The following PMPCB variants were observed in gnomAD, a reference collection of about 807,000 sequenced individuals.
The protein encoded by PMPCB is mitochondrial-processing peptidase subunit beta.
In PMPCB, 46 loss-of-function variants were observed where a neutral mutation model predicts 61.5. That is an observed-to-expected ratio of 0.75 (90% CI 0.59 to 0.96). The LOEUF (loss-of-function observed/expected upper bound fraction) is 0.96. PMPCB is among the 40% of genes least tolerant of loss of function. The probability of loss-of-function intolerance (pLI) is 0.00; values close to 1 mark genes in which losing one functional copy is unlikely to be tolerated. For missense variants in PMPCB, 590 were observed against 602.4 expected, an observed-to-expected ratio of 0.98 and a Z score of 0.22; for synonymous variants, 191 against 201.6, an observed-to-expected ratio of 0.95 and a Z score of 0.44.
chr7:103,345,168 C>A, the PMPCB span: 1 of 166,494 alleles, frequency 6.0e-6, no homozygotes, highest in Non-Finnish European at 1.3e-5. Context: ...TTGTGTTTAA[C>A]TTGATGATGA....
At position 103,311,893 on chromosome 7, in the gene PMPCB, T is replaced by C; in HGVS notation, c.1326T>C (p.Ile442=). The C allele has an allele frequency of 6.2e-7, 1 of 1,601,844 alleles. No homozygotes were observed. Among genetic ancestry groups the C allele is most frequent in the South Asian group, 1.1e-5 (1 of 90,442 alleles). Residue 442 remains isoleucine (I), a synonymous_variant, in exon 11 of 13, where the codon ATT becomes ATC. Transcript: ENST00000249269. ...CCATCCCTGAGCTTGAAGCAAGAATTGATGTAAGTAGTCCTGAGTTACTAT... is the reference window on the plus strand; with the variant it reads ...CCATCCCTGAGCTTGAAGCAAGAATCGATGTAAGTAGTCCTGAGTTACTAT... The part of the protein sequence containing the change: ...RIPIPELEAR[I]DAVNAETIRE...
At position 103,313,199 on chromosome 7, in the gene PMPCB, G is replaced by T; in HGVS notation, c.*928G>T. ...ATTCGCTAAGTGCCCATTTCAATCT[G>T]GGATGTGTCATTTTGAAAATAAACT... On this transcript the variant is annotated 3_prime_UTR_variant, in exon 13 of 13. Transcript: ENST00000249269. The T allele has an allele frequency of 6.8e-7, 1 of 1,465,722 alleles. No homozygotes were observed. 90.8% of individuals were successfully genotyped at this position (1,465,722 alleles called of 1,614,324 possible). A position where few individuals can be genotyped will look rare whatever the true frequency, so the allele number is the denominator to read the frequency against.
At chr7:103,321,789 G>A (rs557311546) in intron 12 of PMPCB, 19 of 840,062 alleles carry the variant, frequency 2.3e-5, no homozygotes, top group Admixed American at 1.9e-4. Flanking sequence ...CGGAAATTGC[G>A]GTGAACTGAG....
At chr7:103,319,601 T>C (rs1332194393), downstream of PMPCB, 2 of 1,613,672 alleles carry the variant, frequency 1.2e-6, no homozygotes, top group African/African-American at 1.3e-5. Context: ...GATGTGTTCC[T>C]CTATTACCTG....
At chr7:103,320,828 GTCT>G in intron 12 of PMPCB, 1 of 156,984 alleles carries the variant, frequency 6.4e-6, no homozygotes, top group Non-Finnish European at 1.2e-5. Context: ...ATCTCAGCAT[GTCT>G]TTTTTTTTTT....
rs186106096 is a variant in PMPCB, at chr7:103,328,455, A to T, written c.*1432-476A>T. On this transcript the variant is annotated intron_variant and NMD_transcript_variant, in intron 12 of 12. Coordinates refer to the PMPCB transcript ENST00000444457. ...AGACTAGCCTGGCCAATATGGCAAA[A>T]CCTGGTTTCTACTAAAAATACAAAA... Among the ~76,000 whole-genome samples, 707 of 151,916 alleles carry T rather than the reference A, an allele frequency of 4.7e-3. 6 individuals are homozygous for T. Among genetic ancestry groups the T allele is most frequent in the African/African-American group, 0.016 (670 of 41,454 alleles).
downstream of PMPCB, among the ~76,000 whole-genome samples, chr7:103,332,451 C>T (rs1819015528): frequency 1.3e-5 from 2 of 152,070 alleles, no homozygotes; most frequent in Non-Finnish European, 2.9e-5. Context: ...ATGAATTATT[C>T]CAAAACAGTT....
intron 12 of PMPCB, chr7:103,327,284 G>C (rs1406750950): frequency 3.6e-5 from 31 of 849,664 alleles, no homozygotes; most frequent in Non-Finnish European, 4.4e-5. Flanking sequence ...CATCTGAAAC[G>C]AAAAAAAAAA....
At chr7:103,319,467 AAAC>A (rs746218902), downstream of PMPCB, 155 of 904,848 alleles carry the variant, frequency 1.7e-4, no homozygotes, top group Admixed American at 1.1e-3. Flanking sequence ...CGAACACATA[AAAC>A]AACAACAACA....
At chr7:103,330,952 T>C (rs10257369), downstream of PMPCB, among the ~76,000 whole-genome samples, 34,925 of 151,624 alleles carry the variant, frequency 0.23, 6,333 homozygotes, top group African/African-American at 0.51. Context: ...TCATAATACA[T>C]GAACAAAATC....
chr7:103,323,635 A>T (rs1273143442), intron 12 of PMPCB: 2 of 1,459,832 alleles, frequency 1.4e-6, no homozygotes, highest in African/African-American at 2.8e-5. Context: ...TCTAAATAAG[A>T]AAATTCTCTC....
chr7:103,330,468 T>C (rs1344276901), downstream of PMPCB, among the ~76,000 whole-genome samples: 2 of 151,758 alleles, frequency 1.3e-5, no homozygotes, highest in African/African-American at 2.4e-5. Flanking sequence ...TATTTATTTA[T>C]TGAGATGGAG....
the PMPCB span, chr7:103,344,712 G>C: frequency 6.5e-6 from 9 of 1,381,164 alleles, no homozygotes; most frequent in East Asian, 4.6e-5. Flanking sequence ...CTCTCACTCC[G>C]AGCCTCGCGC....
chr7:103,339,300 C>T, the PMPCB span, among the ~76,000 whole-genome samples: 2 of 152,182 alleles, frequency 1.3e-5, no homozygotes, highest in African/African-American at 4.8e-5. Flanking sequence ...ATAAACTGAA[C>T]AAGTGAATGA....
At chr7:103,329,054 T>G in exon 13 of PMPCB, 1 of 1,179,384 alleles carries the variant, frequency 8.5e-7, no homozygotes, top group East Asian at 6.3e-5. Context: ...TACGTCTAAT[T>G]ATTTAAAATT....
In PMPCB at chr7:103,303,950, T is replaced by C. The variant is rs1817514249; in HGVS notation, c.566T>C (p.Leu189Ser). Residue 189 changes from leucine (L) to serine (S), a missense_variant, in exon 5 of 13, where the codon TTA (leucine) becomes TCA (serine). Leu to Ser is a moderately radical substitution (Grantham distance 145). Transcript: ENST00000249269. ...LREMQEVETN[L>S]QEVVFDYLHA... ...GAGATGCAGGAAGTTGAAACCAATT[T>C]ACAAGAAGTTGTTTTTGATTATCTT... 1.2e-6 allele frequency: 2 copies of C among 1,613,884 alleles called. No homozygotes were observed. Among genetic ancestry groups the C allele is most frequent in the African/African-American group, 1.3e-5 (1 of 75,060 alleles).
downstream of PMPCB, among the ~76,000 whole-genome samples, chr7:103,333,608 A>G (rs541900254): frequency 2.0e-4 from 31 of 152,306 alleles, no homozygotes; most frequent in African/African-American, 7.5e-4. Flanking sequence ...CCAAAGGAAA[A>G]TATAGGCCGT....
downstream of PMPCB, among the ~76,000 whole-genome samples, chr7:103,332,109 A>G (rs1036904074): frequency 6.6e-6 from 1 of 150,410 alleles, no homozygotes; most frequent in African/African-American, 2.5e-5. Flanking sequence ...GGTTCATGCC[A>G]TTCTCCTGCC....
chr7:103,316,011 T>A (rs1356547819), downstream of PMPCB: 1 of 1,599,474 alleles, frequency 6.3e-7, no homozygotes, highest in East Asian at 2.2e-5. Flanking sequence ...ACTCTTTGCT[T>A]TGCCAATAAC....
Sources: allele counts gnomAD v4.1 joint callset (sites outside exome capture counted in the v4.1 genomes callset), GRCh38; gene constraint gnomAD v4.1.1; transcripts MANE v1.5; gene names NCBI Gene and HGNC (gene_info 2026-07-23, HGNC 2026-07-21).